The following RANBP2 variants were observed in gnomAD, a reference collection of about 807,000 sequenced individuals.
RANBP2 encodes the protein E3 SUMO-protein ligase RanBP2.
RANBP2 carries 57 observed loss-of-function variants against 303.6 expected under a neutral mutation model. The ratio of observed to expected loss-of-function variants is 0.19; its 90% confidence interval spans 0.15 to 0.23. The LOEUF (loss-of-function observed/expected upper bound fraction) is 0.23. Ranked by LOEUF, RANBP2 falls within the 10% of genes least tolerant of loss-of-function variation. RANBP2 has a pLI of 1.00. For missense variants in RANBP2, 3,138 were observed against 3,780.8 expected (o/e 0.83, Z 4.46); for synonymous variants, 1,167 against 1,301.5 (o/e 0.90, Z 2.23).
chr2:109,152,198 A>G, the RANBP2 span, among the ~76,000 whole-genome samples: 1 of 152,254 alleles, frequency 6.6e-6, no homozygotes, highest in Non-Finnish European at 1.5e-5. Flanking sequence ...GAAATAAATT[A>G]TCACAAAACT....
the RANBP2 span, among the ~76,000 whole-genome samples, chr2:108,931,456 C>T: frequency 6.6e-6 from 1 of 152,202 alleles, no homozygotes; most frequent in Non-Finnish European, 1.5e-5. Context: ...GGTCTTTGCC[C>T]CTCTGGATGC....
the RANBP2 span, among the ~76,000 whole-genome samples, chr2:109,019,586 G>A: frequency 6.6e-6 from 1 of 152,158 alleles, no homozygotes; most frequent in African/African-American, 2.4e-5. Context: ...CACCCGACAT[G>A]GGTGATCTTA....
chr2:109,667,536 T>C, the RANBP2 span, among the ~76,000 whole-genome samples: 3 of 152,146 alleles, frequency 2.0e-5, no homozygotes, highest in Non-Finnish European at 4.4e-5. Context: ...TCCTCCTGGT[T>C]AGTGGCACAC....
the RANBP2 span, among the ~76,000 whole-genome samples, chr2:108,870,059 T>A: frequency 6.6e-6 from 1 of 152,226 alleles, no homozygotes; most frequent in Non-Finnish European, 1.5e-5. Context: ...AGGGAAGTGA[T>A]ACATGAGCAA....
At chr2:109,709,717 G>T in the RANBP2 span, among the ~76,000 whole-genome samples, 1 of 152,250 alleles carries the variant, frequency 6.6e-6, no homozygotes, top group African/African-American at 2.4e-5. Context: ...ACATATGGAG[G>T]GAAGGTCTTT....
At chr2:109,288,380 A>G in the RANBP2 span, among the ~76,000 whole-genome samples, 3 of 152,196 alleles carry the variant, frequency 2.0e-5, no homozygotes, top group East Asian at 5.8e-4. Context: ...AGGTATTCTC[A>G]TCTAAAGACC....
chr2:109,328,112 G>A, the RANBP2 span, among the ~76,000 whole-genome samples: 1 of 152,182 alleles, frequency 6.6e-6, no homozygotes, highest in Non-Finnish European at 1.5e-5. Flanking sequence ...ATTACCAACA[G>A]ATGAAGTCTT....
chr2:109,007,203 T>C, the RANBP2 span, among the ~76,000 whole-genome samples: 2 of 152,244 alleles, frequency 1.3e-5, no homozygotes, highest in African/African-American at 4.8e-5. Flanking sequence ...TTGGCAAATA[T>C]GTGTTTTAAG....
chr2:108,784,903 T>A lies in RANBP2; in HGVS notation c.*1002T>A, dbSNP rs1361030815. 2 of 152,278 alleles carry A rather than the reference T, an allele frequency of 1.3e-5. No homozygotes were observed. The highest frequency in any genetic ancestry group is 4.8e-5 in the African/African-American group (2 of 41,436). 9.4% of individuals were successfully genotyped at this position (152,278 alleles called of 1,614,324 possible). A position where few individuals can be genotyped will look rare whatever the true frequency, so the allele number is the denominator to read the frequency against. On this transcript the variant is annotated 3_prime_UTR_variant, in exon 29 of 29. Coordinates refer to ENST00000283195, the MANE Select transcript of RANBP2 (RefSeq NM_006267.5). The stretch of plus-strand genomic sequence containing the variant: ...GCTGCATAATTTCCAGAGCTCCTAG[T>A]TTCTCAAGTTTGATACACACCAAAA...
the RANBP2 span, among the ~76,000 whole-genome samples, chr2:109,115,134 T>A: frequency 1.3e-5 from 2 of 152,200 alleles, no homozygotes; most frequent in Non-Finnish European, 1.5e-5. Flanking sequence ...AGACTGTAGA[T>A]GTCTATTAGG....
the RANBP2 span, among the ~76,000 whole-genome samples, chr2:109,012,824 G>C: frequency 3.3e-5 from 5 of 152,214 alleles, no homozygotes; most frequent in Admixed American, 2.0e-4. Flanking sequence ...TGAGGCAGGA[G>C]AATGGCGTGG....
chr2:109,428,296 T>C, the RANBP2 span, among the ~76,000 whole-genome samples: 2 of 152,246 alleles, frequency 1.3e-5, no homozygotes, highest in African/African-American at 4.8e-5. Context: ...ATACTTTGGT[T>C]TACTCTGATT....
the RANBP2 span, among the ~76,000 whole-genome samples, chr2:109,229,878 G>A: frequency 2.0e-5 from 3 of 147,020 alleles, no homozygotes; most frequent in Non-Finnish European, 4.5e-5. Context: ...AGGCTGGAGT[G>A]CAGTGGCGCA....
chr2:109,161,499 C>T, the RANBP2 span, among the ~76,000 whole-genome samples: 40 of 151,352 alleles, frequency 2.6e-4, no homozygotes, highest in African/African-American at 7.4e-4. Context: ...CATTACATAT[C>T]GTAAGGCGAT....
chr2:109,634,874 G>A, the RANBP2 span, among the ~76,000 whole-genome samples: 1 of 152,100 alleles, frequency 6.6e-6, no homozygotes, highest in African/African-American at 2.4e-5. Flanking sequence ...ATAAAAGGAC[G>A]AGTAAACAAT....
At chr2:109,727,545 C>T in the RANBP2 span, among the ~76,000 whole-genome samples, 6 of 152,294 alleles carry the variant, frequency 3.9e-5, no homozygotes, top group East Asian at 1.2e-3. Flanking sequence ...ACATAGCACA[C>T]CTGCACATGG....
At chr2:109,433,863 C>T in the RANBP2 span, among the ~76,000 whole-genome samples, 2 of 152,234 alleles carry the variant, frequency 1.3e-5, no homozygotes, top group East Asian at 3.8e-4. Flanking sequence ...AAGCAAACTG[C>T]AGAGGGGCTT....
At chr2:109,202,471 C>T in the RANBP2 span, among the ~76,000 whole-genome samples, 1 of 152,206 alleles carries the variant, frequency 6.6e-6, no homozygotes, top group African/African-American at 2.4e-5. Flanking sequence ...TACTTTTTCT[C>T]TTTGTCCCTG....
At chr2:109,090,644 T>C in the RANBP2 span, among the ~76,000 whole-genome samples, 1 of 152,180 alleles carries the variant, frequency 6.6e-6, no homozygotes, top group Non-Finnish European at 1.5e-5. Flanking sequence ...TGATTTCATT[T>C]ATTTAATTAG....
Sources: gnomAD v4.1 joint callset for allele counts (sites outside exome capture counted in the v4.1 genomes callset) on GRCh38, gnomAD v4.1.1 for gene constraint, MANE v1.5 for transcripts, NCBI Gene and HGNC (gene_info 2026-07-23, HGNC 2026-07-21) for gene names.